The following FGFR1 variants were observed in gnomAD, a reference collection of about 807,000 sequenced individuals.
The protein encoded by FGFR1 is fibroblast growth factor receptor 1, also known as FGFR1/PLAG1 fusion.
A neutral mutation model predicts 93.7 loss-of-function variants in FGFR1; 18 were observed. That is an observed-to-expected ratio of 0.19 (90% CI 0.13 to 0.28). The LOEUF (loss-of-function observed/expected upper bound fraction) is 0.28, where lower values mean the gene tolerates loss of function less well. Ranked by LOEUF, FGFR1 falls within the 10% of genes least tolerant of loss-of-function variation. The pLI is 1.00. For missense variants in FGFR1, 731 were observed against 1,080.4 expected, an observed-to-expected ratio of 0.68 and a Z score of 4.53; for synonymous variants, 448 against 429.3, an observed-to-expected ratio of 1.04 and a Z score of -0.54.
intron 12 of FGFR1, 24 bp from the exon 13 acceptor site, chr8:38,416,084 A>G (rs371575821): frequency 4.9e-5 from 78 of 1,600,318 alleles, no homozygotes; most frequent in Non-Finnish European, 6.1e-5. Flanking sequence ...AGAAGAGGCC[A>G]TGGGGCCAGC....
chr8:38,464,433 A>G (rs1393855729), intron 1 of FGFR1, among the ~76,000 whole-genome samples: 4 of 151,876 alleles, frequency 2.6e-5, no homozygotes, highest in Non-Finnish European at 4.4e-5. Context: ...TTCTTGGGAT[A>G]GTTCATCCAT....
chr8:38,421,748 G>C (rs374166845), intron 8 of FGFR1, 49 bp downstream of exon 8: 1 of 1,595,084 alleles, frequency 6.3e-7, no homozygotes, highest in Non-Finnish European at 8.6e-7. Context: ...TGCTCCCCCC[G>C]TGCCCGTGGC....
At chr8:38,461,544 G>A (rs184268842) in intron 1 of FGFR1, among the ~76,000 whole-genome samples, 3 of 152,244 alleles carry the variant, frequency 2.0e-5, no homozygotes, top group Admixed American at 2.0e-4. Context: ...CCTGGGCTCA[G>A]GAGATCCACC....
chr8:38,442,486 G>C (rs1347051330), intron 2 of FGFR1, among the ~76,000 whole-genome samples: 1 of 151,814 alleles, frequency 6.6e-6, no homozygotes. Flanking sequence ...GCTGCGACCT[G>C]TCATGCACTT....
At chr8:38,433,838 T>G (rs1436521850) in intron 2 of FGFR1, among the ~76,000 whole-genome samples, 1 of 152,228 alleles carries the variant, frequency 6.6e-6, no homozygotes, top group Non-Finnish European at 1.5e-5. Context: ...TTCAGAGTTG[T>G]GCAATCATTC....
rs745989679 is a variant in FGFR1 at position 38,414,752 on chromosome 8, G to A, written c.1977+27C>T. The stretch of plus-strand genomic sequence containing the variant: ...CCTTGCTTCTCAGATGAAACCACCA[G>A]CACAGGGCGGCCTTGTCGGCACTCA... On this transcript the variant is annotated intron_variant, in intron 14 of 17. Coordinates refer to ENST00000447712, the MANE Select transcript of FGFR1 (RefSeq NM_023110.3). 3.1e-6 allele frequency: 5 copies of A among 1,613,842 alleles called. No individual in the cohort carries two copies. The African/African-American group carries it at 6.7e-5, about 22-fold the overall frequency.
chr8:38,446,205 CTTTT>C (rs773129271), intron 2 of FGFR1, among the ~76,000 whole-genome samples: 1 of 127,774 alleles, frequency 7.8e-6, no homozygotes, highest in Non-Finnish European at 1.6e-5. Context: ...CCTCTCCCAC[CTTTT>C]TTTTTTTTTT....
intron 9 of FGFR1, 198 bp from the exon 10 acceptor site, chr8:38,418,571 C>A: frequency 1.6e-6 from 1 of 619,706 alleles, no homozygotes; most frequent in Non-Finnish European, 2.8e-6. Flanking sequence ...CTGCCACAAG[C>A]TGGCCTTTCT....
chr8:38,448,278 A>ATT (rs200939148), intron 2 of FGFR1, among the ~76,000 whole-genome samples: 24 of 136,348 alleles, frequency 1.8e-4, no homozygotes, highest in South Asian at 2.3e-4. Flanking sequence ...CAAAACACCA[A>ATT]TTTTTTTTTT....
At position 38,413,691 on chromosome 8, in the gene FGFR1, G is replaced by C. The variant is rs573344794; in HGVS notation, c.2406C>G (p.Pro802=). The change falls in exon 18 of 18, where the codon CCC becomes CCG. Residue 802 remains proline (P), a synonymous_variant. Transcript: ENST00000447712. This position sits in a 1 kb window ranked among gnomAD's most constrained non-coding sequence, Gnocchi z 4.2. ...EDSVFSHEPL[P]EEPCLPRHPA... is the part of the protein sequence containing the mutation. ...GGTGTCGGGGCAGGCAGGGCTCCTCGGGCAGCGGCTCATGAGAGAAGACGG... is the reference window on the plus strand; with the variant it reads ...GGTGTCGGGGCAGGCAGGGCTCCTCCGGCAGCGGCTCATGAGAGAAGACGG... 6.2e-7 allele frequency: 1 copy of C among 1,613,500 alleles called. No homozygotes were observed. The highest frequency in any genetic ancestry group is 1.1e-5 in the South Asian group (1 of 91,030).
chr8:38,438,135 T>C (rs967156662), intron 2 of FGFR1, among the ~76,000 whole-genome samples: 2 of 152,206 alleles, frequency 1.3e-5, no homozygotes, highest in African/African-American at 4.8e-5. Flanking sequence ...AGGAAACTTA[T>C]GAGGTTGATC....
At chr8:38,463,319 C>G (rs1256564855) in intron 1 of FGFR1, 2 of 183,220 alleles carry the variant, frequency 1.1e-5, no homozygotes, top group Non-Finnish European at 2.3e-5. Flanking sequence ...TCCCTTTTCT[C>G]TGAACCCCAC....
In FGFR1 at chr8:38,468,102, G is replaced by A; in HGVS notation, c.-210C>T. The A allele has an allele frequency of 4.4e-6, 1 of 225,616 alleles. No individual in the cohort carries two copies. The highest frequency in any genetic ancestry group is 2.2e-5 in the African/African-American group (1 of 44,964). 14.0% of individuals were successfully genotyped at this position (225,616 alleles called of 1,614,324 possible). A position where few individuals can be genotyped will look rare whatever the true frequency, so the allele number is the denominator to read the frequency against. On this transcript the variant is annotated 5_prime_UTR_variant, in exon 1 of 18. Coordinates refer to ENST00000447712, the MANE Select transcript of FGFR1 (RefSeq NM_023110.3). ...GCTCTGTTCGGGTCCTGGCGGGGTC[G>A]CAAGAGCTCCGCGGCCGGCGCTCGA... is the stretch of plus-strand genomic sequence containing the variant.
intron 2 of FGFR1, among the ~76,000 whole-genome samples, chr8:38,448,680 TGTG>T (rs1185397427): frequency 6.6e-6 from 1 of 152,092 alleles, no homozygotes; most frequent in African/African-American, 2.4e-5. Flanking sequence ...AGAGGCCAGG[TGTG>T]GTGGCTCACG....
At chr8:38,447,102 C>CAT (rs1252203899) in intron 2 of FGFR1, among the ~76,000 whole-genome samples, 3 of 11,430 alleles carry the variant, frequency 2.6e-4, no homozygotes, top group Non-Finnish European at 3.9e-4. Context: ...CAAGCAAACA[C>CAT]ACACACACAC....
intron 12 of FGFR1, 80 bp downstream of exon 12, chr8:38,417,226 T>G: frequency 1.2e-5 from 13 of 1,104,222 alleles, no homozygotes; most frequent in East Asian, 2.3e-5. Context: ...TAGCTGTGGC[T>G]GAGAGAGGCC....
At chr8:38,450,881 G>A (rs1224974135) in intron 2 of FGFR1, among the ~76,000 whole-genome samples, 1 of 152,150 alleles carries the variant, frequency 6.6e-6, no homozygotes, top group East Asian at 1.9e-4. Flanking sequence ...GCTTTGCTGC[G>A]CTTGCCCCAG....
chr8:38,432,943 C>G (rs949296203), intron 2 of FGFR1, among the ~76,000 whole-genome samples: 2 of 141,448 alleles, frequency 1.4e-5, no homozygotes, highest in South Asian at 5.0e-4. Context: ...GCTTTCAGCA[C>G]GGCTGCATCC....
At chr8:38,421,493 G>C (rs907240877) in intron 8 of FGFR1, among the ~76,000 whole-genome samples, 6 of 152,206 alleles carry the variant, frequency 3.9e-5, no homozygotes, top group African/African-American at 1.4e-4. Context: ...GACGGAAGGA[G>C]CCTGCCCTGG....
Sources: allele counts gnomAD v4.1 joint callset (sites outside exome capture counted in the v4.1 genomes callset), GRCh38; gene constraint gnomAD v4.1.1; non-coding constraint Gnocchi (gnomAD v3.1); transcripts MANE v1.5; gene names NCBI Gene and HGNC (gene_info 2026-07-23, HGNC 2026-07-21).